The following JCAD variants were observed in gnomAD, a reference collection of about 807,000 sequenced individuals.
JCAD encodes junctional cadherin 5-associated protein.
Under a neutral mutation model 98.0 loss-of-function variants are expected in JCAD, and 40 were observed. The observed-to-expected ratio is 0.41, with a 90% CI of 0.32 to 0.53. The LOEUF (loss-of-function observed/expected upper bound fraction) is 0.53, where lower values mean the gene tolerates loss of function less well. Among genes scored for constraint, JCAD ranks in the 20% least tolerant of loss-of-function variants. JCAD has a pLI of 0.31. For missense variants in JCAD, 1,705 were observed against 1,738.1 expected (o/e 0.98, Z 0.34); for synonymous variants, 691 against 682.3 (o/e 1.01, Z -0.20).
chr10:30,054,386 T>C (rs1336629022), intron 1 of JCAD, among the ~76,000 whole-genome samples: 1 of 152,072 alleles, frequency 6.6e-6, no homozygotes, highest in Admixed American at 6.6e-5. Flanking sequence ...TCATATGAAA[T>C]TGTCATTTTG....
intron 1 of JCAD, among the ~76,000 whole-genome samples, chr10:30,082,863 A>C (rs1283983260): frequency 2.7e-5 from 4 of 148,834 alleles, no homozygotes; most frequent in African/African-American, 9.9e-5. Context: ...AAAAAAAAAA[A>C]AAAAAAAAAA....
chr10:30,017,569 A>G lies in JCAD; in HGVS notation c.*314T>C, dbSNP rs1400056610. Reference sequence around the variant, plus strand: ...TGAAATCTTCACCCAGAATGAGAGCAACACCAAACTATTTACCAGCTTAGT... The same window carrying G: ...TGAAATCTTCACCCAGAATGAGAGCGACACCAAACTATTTACCAGCTTAGT... On this transcript the variant is annotated 3_prime_UTR_variant, in exon 4 of 4. Transcript: ENST00000375377. The G allele has an allele frequency of 2.2e-6, 1 of 447,736 alleles. No individual in the cohort carries two copies. The highest frequency in any genetic ancestry group is 2.0e-5 in the African/African-American group (1 of 49,218). 27.7% of individuals were successfully genotyped at this position (447,736 alleles called of 1,614,324 possible).
Position 30,014,203 on chromosome 10 carries a change from C to A in JCAD, c.*3680G>T, listed in dbSNP as rs1161698137. Reference sequence around the variant, plus strand: ...TGAGTAGCAACTCTCCTCCCACAGACAGATGTACAGAATCTGCAGTCAAAA... The same window carrying A: ...TGAGTAGCAACTCTCCTCCCACAGAAAGATGTACAGAATCTGCAGTCAAAA... On this transcript the variant is annotated 3_prime_UTR_variant, in exon 4 of 4. Coordinates refer to ENST00000375377, the MANE Select transcript of JCAD (RefSeq NM_020848.4). 1 of 152,166 alleles carries A rather than the reference C, an allele frequency of 6.6e-6. No individual in the cohort carries two copies. The highest frequency in any genetic ancestry group is 6.5e-5 in the Admixed American group (1 of 15,276). The allele number at this position is 152,166 out of a possible 1,614,324, so 9.4% of individuals were successfully genotyped here.
chr10:30,023,780 T>G (rs890581399), intron 3 of JCAD, among the ~76,000 whole-genome samples: 2 of 152,134 alleles, frequency 1.3e-5, no homozygotes, highest in African/African-American at 4.8e-5. Context: ...TGTTAATAAC[T>G]GGCTAAAATT....
At position 30,017,751 on chromosome 10, in the gene JCAD, G is replaced by A. The variant is rs868030902; in HGVS notation, c.*132C>T. 3.8e-6 allele frequency: 3 copies of A among 791,718 alleles called. No homozygotes were observed. In the South Asian group the frequency reaches 4.6e-5, roughly 12 times the overall value. 49.0% of individuals were successfully genotyped at this position (791,718 alleles called of 1,614,324 possible). On this transcript the variant is annotated 3_prime_UTR_variant, in exon 4 of 4. Coordinates refer to ENST00000375377, the MANE Select transcript of JCAD (RefSeq NM_020848.4). ...CAAGTTTCCTAGTGGCAGTGGTAAA[G>A]AATGTTATCAGGATGCTAAAAACTC...
At chr10:30,036,993 G>A (rs1275268990) in intron 2 of JCAD, among the ~76,000 whole-genome samples, 1 of 152,224 alleles carries the variant, frequency 6.6e-6, no homozygotes, top group Non-Finnish European at 1.5e-5. Flanking sequence ...GGAGGCGTCT[G>A]TATCTAGGCA....
chr10:30,115,091 T>A (rs548454255), intron 1 of JCAD, among the ~76,000 whole-genome samples: 47 of 152,324 alleles, frequency 3.1e-4, no homozygotes, highest in African/African-American at 9.9e-4. Flanking sequence ...TCTACCTTTG[T>A]AATCTATATA....
chr10:30,024,700 T>C, intron 3 of JCAD, among the ~76,000 whole-genome samples: 1 of 146,990 alleles, frequency 6.8e-6, no homozygotes, highest in East Asian at 2.0e-4. Flanking sequence ...TTTTTTTTTT[T>C]TTTTTTTTTT....
At chr10:30,046,001 C>T (rs532763253) in intron 2 of JCAD, among the ~76,000 whole-genome samples, 5 of 152,316 alleles carry the variant, frequency 3.3e-5, no homozygotes, top group South Asian at 2.1e-4. Flanking sequence ...AGGGTGACCT[C>T]GAACCATGGA....
intron 1 of JCAD, among the ~76,000 whole-genome samples, chr10:30,105,732 G>A (rs1838565751): frequency 6.6e-6 from 1 of 152,054 alleles, no homozygotes; most frequent in African/African-American, 2.4e-5. Flanking sequence ...GAAAAATAAG[G>A]CTATTGTAAA....
In JCAD at chr10:30,018,349, G is replaced by A. The variant is rs80101021; in HGVS notation, c.4046-432C>T. ...CAAAAGAAAGCTTGCTTTAGAATAC[G>A]CATCTTTGTGATCAAACGCTGTCCC... On this transcript the variant is annotated intron_variant, in intron 3 of 3. Transcript: ENST00000375377. Among the ~76,000 whole-genome samples the A allele has an allele frequency of 1.1e-3, 156 of 145,476 alleles. No individual in the cohort carries two copies. In the East Asian group the frequency reaches 0.014, roughly 13 times the overall value.
At chr10:30,067,169 CAAA>C (rs1382726512) in intron 2 of JCAD, among the ~76,000 whole-genome samples, 10 of 123,274 alleles carry the variant, frequency 8.1e-5, no homozygotes, top group Non-Finnish European at 3.5e-5. Context: ...GACCCTGTCT[CAAA>C]AAAAAAAAAA....
chr10:30,035,515 T>C (rs143410050), intron 2 of JCAD, among the ~76,000 whole-genome samples: 92 of 152,372 alleles, frequency 6.0e-4, no homozygotes, highest in African/African-American at 2.0e-3. Flanking sequence ...GGGGTCGCTC[T>C]GGTAGATTTC....
chr10:30,019,122 G>A lies in JCAD; in HGVS notation c.4046-1205C>T, dbSNP rs972864153. On this transcript the variant is annotated intron_variant, in intron 3 of 3. Transcript: ENST00000375377. ...TGTAATCCCAGCACTTTGGGAGGCC[G>A]AGGCAGGTGGATCACCTGAGGTTGG... Among the ~76,000 whole-genome samples, 5 of 152,038 alleles carry A rather than the reference G, an allele frequency of 3.3e-5. 1 individual carries two copies. The highest frequency in any genetic ancestry group is 4.2e-4 in the South Asian group (2 of 4,806).
chr10:30,071,851 C>T (rs944769486), intron 1 of JCAD, among the ~76,000 whole-genome samples: 3 of 151,984 alleles, frequency 2.0e-5, no homozygotes, highest in East Asian at 1.9e-4. Flanking sequence ...TTTATATGAA[C>T]AAAATAAAAA....
chr10:30,019,420 C>T (rs1441304406), intron 3 of JCAD, among the ~76,000 whole-genome samples: 14 of 149,688 alleles, frequency 9.4e-5, no homozygotes, highest in African/African-American at 2.0e-4. Context: ...GGATATTATT[C>T]GGCCCTAAAA....
chr10:30,110,611 T>C (rs1017073971), intron 1 of JCAD, among the ~76,000 whole-genome samples: 3 of 152,110 alleles, frequency 2.0e-5, no homozygotes, highest in Non-Finnish European at 4.4e-5. Flanking sequence ...GACCAGCTGA[T>C]GTGTGAACCT....
rs1836849636 is a variant in JCAD, at chr10:30,027,468, G to A, written c.2680C>T (p.Pro894Ser). ...GGGCTCTCCGGCACCCACATCCTCG[G>A]CTGTGGCTCAACCCTCATTTCCGGG... ...NSPEMRVEPQPRMWVPESPVC... is the reference protein window; with the variant it reads ...NSPEMRVEPQSRMWVPESPVC... Residue 894 changes from proline (P) to serine (S), a missense_variant, in exon 3 of 4, where the codon CCG (proline) becomes TCG (serine). Around this residue, in one of 3 missense-constraint regions of JCAD, gnomAD observed 1,278 missense variants for 1,243.1 expected, o/e 1.03. Coordinates refer to ENST00000375377, the MANE Select transcript of JCAD (RefSeq NM_020848.4). 1.2e-6 allele frequency: 2 copies of A among 1,605,822 alleles called. No individual in the cohort carries two copies. The highest frequency in any genetic ancestry group is 1.7e-6 in the Non-Finnish European group (2 of 1,179,992).
intron 1 of JCAD, among the ~76,000 whole-genome samples, chr10:30,114,578 TAAAAAAAAAA>T (rs11360136): frequency 8.0e-6 from 1 of 124,686 alleles, no homozygotes; most frequent in Non-Finnish European, 1.6e-5. Context: ...ACAGCACAAT[TAAAAAAAAAA>T]AAAAAAAAAA....
Sources: allele counts gnomAD v4.1 joint callset (sites outside exome capture counted in the v4.1 genomes callset), GRCh38; gene constraint gnomAD v4.1.1; regional missense constraint gnomAD v4.1.1; transcripts MANE v1.5; gene names NCBI Gene and HGNC (gene_info 2026-07-23, HGNC 2026-07-21).